The following CUL2 variants were observed in gnomAD, a reference collection of about 807,000 sequenced individuals.
CUL2 encodes the protein cullin-2.
CUL2 carries 22 observed loss-of-function variants against 110.2 expected under a neutral mutation model. The observed-to-expected ratio is 0.20, with a 90% CI of 0.14 to 0.28. The LOEUF (loss-of-function observed/expected upper bound fraction) is 0.28. CUL2 is among the 10% of genes least tolerant of loss of function. The pLI is 1.00. For missense variants in CUL2, 631 were observed against 905.5 expected (o/e 0.70, Z 3.89); for synonymous variants, 279 against 293.2 (o/e 0.95, Z 0.49).
chr10:35,098,983 A>G (rs1166191503), intron 2 of CUL2, among the ~76,000 whole-genome samples: 1 of 152,198 alleles, frequency 6.6e-6, no homozygotes, highest in African/African-American at 2.4e-5. Flanking sequence ...TTGAGAAGAT[A>G]GGAACAAAGA....
intron 1 of CUL2, among the ~76,000 whole-genome samples, chr10:35,084,593 G>A (rs756145566): frequency 4.6e-5 from 7 of 152,100 alleles, no homozygotes; most frequent in South Asian, 2.1e-4. Flanking sequence ...TGACAGATAC[G>A]TTACCAGTAA....
intron 1 of CUL2, among the ~76,000 whole-genome samples, chr10:35,077,353 C>T (rs866343763): frequency 5.4e-5 from 8 of 148,166 alleles, no homozygotes; most frequent in Middle Eastern, 3.5e-3. Flanking sequence ...CAAAAATTAG[C>T]CGGGTGTGGT....
At chr10:35,101,125 C>T (rs12767102) in intron 1 of CUL2, 20,604 of 152,154 alleles carry the variant, frequency 0.14, 1,589 homozygotes, top group South Asian at 0.2. Flanking sequence ...AATACAGGAA[C>T]CTTATTCAGA....
chr10:35,054,604 A>G, intron 4 of CUL2, 65 bp from the exon 5 acceptor site: 1 of 779,432 alleles, frequency 1.3e-6, no homozygotes, highest in Non-Finnish European at 2.1e-6. Flanking sequence ...AATGACTTGC[A>G]ACTTTAGAAG....
intron 17 of CUL2, among the ~76,000 whole-genome samples, chr10:35,019,679 T>C (rs1441165417): frequency 6.6e-6 from 1 of 152,164 alleles, no homozygotes; most frequent in African/African-American, 2.4e-5. Flanking sequence ...GCATTTACAA[T>C]GACAGGAAAT....
At chr10:35,035,944 A>G (rs907804767) in intron 9 of CUL2, among the ~76,000 whole-genome samples, 3 of 152,202 alleles carry the variant, frequency 2.0e-5, no homozygotes, top group African/African-American at 7.2e-5. Flanking sequence ...AGTAGGTTTA[A>G]TTTTAAACGT....
intron 8 of CUL2, among the ~76,000 whole-genome samples, chr10:35,041,447 C>T (rs550850840): frequency 2.0e-5 from 3 of 152,204 alleles, no homozygotes; most frequent in Non-Finnish European, 2.9e-5. Context: ...GCTGTACTGA[C>T]TCATTCCCCA....
At position 35,031,494 on chromosome 10, in the gene CUL2, T is replaced by C. The variant is rs2134720940; in HGVS notation, c.1296A>G (p.Gln432=). The change falls in exon 13 of 21, where the codon CAA becomes CAG. Residue 432 remains glutamine (Q), a synonymous_variant. Coordinates refer to ENST00000374749, the MANE Select transcript of CUL2 (RefSeq NM_003591.4). The surrounding 1 kb of genome is among the most constrained non-coding windows in gnomAD (Gnocchi z 4.4). ...FKYIDDKDVF[Q]KFYARMLAKR... ...AACTTTTCTGTTCACAACATACCTT[T>C]TGAAAGACGTCCTTGTCATCAATGT... 3 of 1,613,732 alleles carry C rather than the reference T, an allele frequency of 1.9e-6. No homozygotes were observed. Among genetic ancestry groups the C allele is most frequent in the East Asian group, 2.2e-5 (1 of 44,866 alleles).
Position 35,084,052 on chromosome 10 carries a change from G to T in CUL2, c.-23+6127C>A, listed in dbSNP as rs114105072. Among the ~76,000 whole-genome samples, 917 of 152,180 alleles carry T rather than the reference G, an allele frequency of 6.0e-3. 11 individuals are homozygous for T. Among genetic ancestry groups the T allele is most frequent in the African/African-American group, 0.021 (865 of 41,502 alleles). On this transcript the variant is annotated intron_variant, in intron 1 of 20. Coordinates refer to ENST00000374749, the MANE Select transcript of CUL2 (RefSeq NM_003591.4). ...AGCACCTTGGAAGGCCAAAGAGGGC[G>T]GATCTCTTGAGGTCAGGAGTTCAAG... is the stretch of plus-strand genomic sequence containing the variant.
intron 2 of CUL2, among the ~76,000 whole-genome samples, chr10:35,067,778 C>CTATT (rs2086572380): frequency 2.0e-5 from 3 of 151,422 alleles, no homozygotes; most frequent in South Asian, 4.2e-4. Flanking sequence ...ATTGTTTATT[C>CTATT]TATTTATATA....
chr10:35,020,958 T>A (rs898862886), intron 17 of CUL2, among the ~76,000 whole-genome samples: 2 of 150,222 alleles, frequency 1.3e-5, no homozygotes, highest in Non-Finnish European at 3.0e-5. Flanking sequence ...CTTTTTATTT[T>A]ATGGGTTTTT....
intron 3 of CUL2, among the ~76,000 whole-genome samples, chr10:35,062,159 A>G (rs1316574084): frequency 1.3e-5 from 2 of 152,222 alleles, no homozygotes; most frequent in African/African-American, 4.8e-5. Flanking sequence ...AATGCTGTCT[A>G]TAGCAAAATA....
rs1021077603 is a variant in CUL2, at chr10:35,124,434, T to TA, written c.-51+2170dup. On this transcript the variant is annotated intron_variant, in intron 1 of 5. Coordinates refer to the CUL2 transcript ENST00000685421. ...CTACATATAAAAATAAAAATTAAAT[T>TA]AAAAAAAAAAGAGACGGAAGAGGGC... is the stretch of plus-strand genomic sequence containing the variant. Among the ~76,000 whole-genome samples the TA allele has an allele frequency of 5.1e-3, 738 of 145,772 alleles. 3 individuals carry two copies. The highest frequency in any genetic ancestry group is 0.017 in the African/African-American group (692 of 39,608).
At chr10:35,100,474 G>A (rs2135106146) in intron 2 of CUL2, among the ~76,000 whole-genome samples, 1 of 151,870 alleles carries the variant, frequency 6.6e-6, no homozygotes, top group African/African-American at 2.4e-5. Context: ...ATTTTTAAAT[G>A]ACCCAGGCCA....
At chr10:35,089,615 T>C (rs2087152936) in intron 1 of CUL2, among the ~76,000 whole-genome samples, 2 of 152,168 alleles carry the variant, frequency 1.3e-5, no homozygotes, top group African/African-American at 4.8e-5. Flanking sequence ...TGCATGCACG[T>C]AATGGTAGGG....
chr10:35,030,391 A>C (rs991276767), intron 14 of CUL2, among the ~76,000 whole-genome samples: 1 of 151,934 alleles, frequency 6.6e-6, no homozygotes, highest in Non-Finnish European at 1.5e-5. Context: ...TTTTGTAATT[A>C]ATCTATTTAG....
intron 12 of CUL2, among the ~76,000 whole-genome samples, chr10:35,032,132 T>C (rs2085494962): frequency 6.6e-6 from 1 of 152,190 alleles, no homozygotes; most frequent in Non-Finnish European, 1.5e-5. Flanking sequence ...CCTTCAAAGG[T>C]TACCCAAACT....
At chr10:35,068,518 C>A (rs1269002556) in intron 2 of CUL2, among the ~76,000 whole-genome samples, 1 of 152,048 alleles carries the variant, frequency 6.6e-6, no homozygotes, top group Non-Finnish European at 1.5e-5. Context: ...TAGAGGGTCA[C>A]GTGTTTCGGG....
intron 1 of CUL2, among the ~76,000 whole-genome samples, chr10:35,075,924 AAG>A (rs1280544144): frequency 3.3e-5 from 5 of 152,192 alleles, no homozygotes; most frequent in African/African-American, 1.2e-4. Flanking sequence ...CCGAAGTATA[AAG>A]AGAAATAAAA....
Sources: allele counts gnomAD v4.1 joint callset (sites outside exome capture counted in the v4.1 genomes callset), GRCh38; gene constraint gnomAD v4.1.1; non-coding constraint Gnocchi (gnomAD v3.1); transcripts MANE v1.5; gene names NCBI Gene and HGNC (gene_info 2026-07-23, HGNC 2026-07-21).